The following BTBD8 variants were observed in gnomAD, a reference collection of about 807,000 sequenced individuals.
BTBD8 encodes the protein BTB domain containing 8, also known as BTB/POZ domain-containing protein 8.
In BTBD8, 110 loss-of-function variants were observed where a neutral mutation model predicts 162.9. The ratio of observed to expected loss-of-function variants is 0.68; its 90% CI spans 0.58 to 0.79. The LOEUF (loss-of-function observed/expected upper bound fraction) is 0.79, where lower values mean the gene tolerates loss of function less well. Ranked by LOEUF, BTBD8 falls within the 30% of genes least tolerant of loss-of-function variation. The pLI, the probability that BTBD8 is intolerant of heterozygous loss-of-function variation, is 0.00. For missense variants in BTBD8, 1,905 were observed against 2,085.4 expected (o/e 0.91, Z 1.68); for synonymous variants, 667 against 716.1 (o/e 0.93, Z 1.10).
intron 9 of BTBD8, among the ~76,000 whole-genome samples, chr1:92,152,941 A>C (rs1454074712): frequency 6.6e-6 from 1 of 152,300 alleles, no homozygotes; most frequent in East Asian, 1.9e-4. Context: ...ACACTAATTT[A>C]ACATATTTGT....
intron 2 of BTBD8, among the ~76,000 whole-genome samples, chr1:92,101,890 G>T (rs1648600161): frequency 6.6e-6 from 1 of 151,988 alleles, no homozygotes; most frequent in African/African-American, 2.4e-5. Context: ...TAAAGACGAG[G>T]TCTCACTATG....
intron 2 of BTBD8, among the ~76,000 whole-genome samples, chr1:92,099,900 A>G (rs1648543618): frequency 6.6e-6 from 1 of 152,150 alleles, no homozygotes; most frequent in African/African-American, 2.4e-5. Context: ...CCTTCTATAA[A>G]ATGTTGAATA....
At position 92,176,888 on chromosome 1, in the gene BTBD8, CAAG is replaced by C; in HGVS notation, c.1698_1700del (p.Lys567del). The C allele has an allele frequency of 1.3e-6, 2 of 1,499,102 alleles. No homozygotes were observed. Among genetic ancestry groups the C allele is most frequent in the East Asian group, 2.5e-5 (1 of 40,248 alleles). 92.9% of individuals were successfully genotyped at this position (1,499,102 alleles called of 1,614,324 possible). A position where few individuals can be genotyped will look rare whatever the true frequency, so the allele number is the denominator to read the frequency against. On this transcript the variant is annotated inframe_deletion, in exon 14 of 18. Coordinates refer to ENST00000636805, the MANE Select transcript of BTBD8 (RefSeq NM_001376131.1). ...AAATCAAATCTTGGAGGGGAAATAACAAGAAAGAGTGTTGGAGTTATCTCTCTA... is the reference window on the plus strand; with the variant it reads ...AAATCAAATCTTGGAGGGGAAATAACAAAGAGTGTTGGAGTTATCTCTCTA...
At chr1:92,163,221 G>A (rs1650307080) in intron 9 of BTBD8, among the ~76,000 whole-genome samples, 1 of 151,734 alleles carries the variant, frequency 6.6e-6, no homozygotes, top group Non-Finnish European at 1.5e-5. Flanking sequence ...CGGGTGTGGT[G>A]GCAGGCACCT....
Position 92,184,325 on chromosome 1 carries a change from C to A in BTBD8, c.5374C>A (p.His1792Asn). Residue 1792 changes from histidine (H) to asparagine (N), a missense_variant, in exon 18 of 18, where the codon CAT becomes AAT. Around this residue, in one of 3 missense-constraint regions of BTBD8, gnomAD observed 517 missense variants for 606.6 expected, o/e 0.85. Coordinates refer to ENST00000636805, the MANE Select transcript of BTBD8 (RefSeq NM_001376131.1). The stretch of plus-strand genomic sequence containing the variant: ...GACAATTCTGGAACTGGAAACTCAG[C>A]ATTAAGTGTTAACATTTTGGAAAAA... The part of the protein sequence containing the change: ...EWTILELETQ[H>N] 6.5e-7 allele frequency: 1 copy of A among 1,537,534 alleles called. No individual in the cohort carries two copies. Among genetic ancestry groups the A allele is most frequent in the Non-Finnish European group, 8.8e-7 (1 of 1,140,248 alleles).
At chr1:92,094,851 A>T (rs1648405107) in intron 2 of BTBD8, among the ~76,000 whole-genome samples, 1 of 152,190 alleles carries the variant, frequency 6.6e-6, no homozygotes, top group Non-Finnish European at 1.5e-5. Context: ...AGATACCAGG[A>T]TAAAGTCTCA....
At chr1:92,139,961 A>AAAAAAAAC (rs1649732692) in intron 6 of BTBD8, 1 of 145,242 alleles carries the variant, frequency 6.9e-6, no homozygotes, top group Non-Finnish European at 1.5e-5. Context: ...AAAAAAAAAA[A>AAAAAAAAC]AAGCTGGGCA....
At chr1:92,091,600 T>C (rs1345481418) in intron 2 of BTBD8, among the ~76,000 whole-genome samples, 5 of 151,958 alleles carry the variant, frequency 3.3e-5, no homozygotes, top group Non-Finnish European at 1.5e-5. Context: ...AGTGGCGCAA[T>C]CTCGGCTCAC....
At chr1:92,125,955 A>G (rs1649342750) in intron 4 of BTBD8, 4 of 456,538 alleles carry the variant, frequency 8.8e-6, no homozygotes, top group South Asian at 1.8e-5. Flanking sequence ...TGGAACACCT[A>G]GAGTAGCCAC....
intron 15 of BTBD8, among the ~76,000 whole-genome samples, chr1:92,178,108 C>A (rs1294798739): frequency 2.0e-5 from 3 of 151,924 alleles, no homozygotes; most frequent in Non-Finnish European, 4.4e-5. Context: ...TTAATGTGTA[C>A]TATGGCATAT....
At chr1:92,122,424 A>G (rs1187108279) in intron 4 of BTBD8, among the ~76,000 whole-genome samples, 1 of 151,734 alleles carries the variant, frequency 6.6e-6, no homozygotes, top group Non-Finnish European at 1.5e-5. Context: ...ACGCCCAGCT[A>G]ATTTTTATAT....
At chr1:92,176,808 T>A in intron 13 of BTBD8, 21 bp from the exon 14 acceptor site, 1 of 1,147,666 alleles carries the variant, frequency 8.7e-7, no homozygotes, top group South Asian at 2.2e-5. Context: ...AATTACAAAG[T>A]ATTTTTTTTC....
At chr1:92,117,880 G>A (rs1649087908) in intron 4 of BTBD8, among the ~76,000 whole-genome samples, 1 of 151,944 alleles carries the variant, frequency 6.6e-6, no homozygotes, top group African/African-American at 2.4e-5. Context: ...GTGGATCAGA[G>A]TCCTGTACTG....
intron 16 of BTBD8, among the ~76,000 whole-genome samples, chr1:92,178,983 C>T (rs1301175423): frequency 2.0e-5 from 3 of 152,148 alleles, no homozygotes; most frequent in Admixed American, 6.6e-5. Flanking sequence ...CGGTGGCTCA[C>T]GCCTGTAATC....
In BTBD8 at chr1:92,181,738, G is replaced by A. The variant is rs373917273; in HGVS notation, c.4055G>A (p.Arg1352Gln). ...IPRKRPEIWS[R>Q]SAIVHSRERE... ...AGGAAAAGGCCAGAAATTTGGTCTC[G>A]ATCTGCAATAGTTCACTCTAGGGAA... Residue 1352 changes from arginine to glutamine, a missense_variant, in exon 17 of 18, where the codon CGA becomes CAA. Physicochemically the swap from Arg to Gln is conservative, Grantham distance 43. Around this residue, in one of 3 missense-constraint regions of BTBD8, gnomAD observed 517 missense variants for 606.6 expected, o/e 0.85. Coordinates refer to ENST00000636805, the MANE Select transcript of BTBD8 (RefSeq NM_001376131.1). 28 of 1,551,330 alleles carry A rather than the reference G, an allele frequency of 1.8e-5. No homozygotes were observed. The highest frequency in any genetic ancestry group is 6.8e-5 in the African/African-American group (5 of 73,012).
At chr1:92,126,699 G>A (rs971661066) in intron 4 of BTBD8, among the ~76,000 whole-genome samples, 4 of 152,154 alleles carry the variant, frequency 2.6e-5, no homozygotes, top group African/African-American at 9.7e-5. Context: ...TTCATTTTGG[G>A]CAATGTTAGC....
intron 1 of BTBD8, among the ~76,000 whole-genome samples, chr1:92,086,905 C>T (rs1234142259): frequency 6.6e-6 from 1 of 152,142 alleles, no homozygotes; most frequent in Admixed American, 6.5e-5. Context: ...AATTACCTAT[C>T]CTGTGGTATT....
rs1377725448 is a variant in BTBD8 at position 92,180,495 on chromosome 1, A to C, written c.2812A>C (p.Lys938Gln). 3.9e-6 allele frequency: 6 copies of C among 1,550,640 alleles called. No homozygotes were observed. The highest frequency in any genetic ancestry group is 3.6e-5 in the South Asian group (3 of 83,806). Residue 938 changes from lysine to glutamine, a missense_variant, in exon 17 of 18, where the codon AAA (lysine) becomes CAA (glutamine). This residue lies in a region of BTBD8 where 1,374 missense variants were observed against 1,442.7 expected (regional missense o/e 0.95). Transcript: ENST00000636805. ...TGAAACTTTGAATAATAAAGATTCA[A>C]AACAGAAAATGCCTCCTGGACAGGT... is the stretch of plus-strand genomic sequence containing the variant. ...KGETLNNKDSKQKMPPGQVIS... is the reference protein window; with the variant it reads ...KGETLNNKDSQQKMPPGQVIS...
chr1:92,107,114 A>T lies in BTBD8; in HGVS notation c.545-770A>T, dbSNP rs868658061. Among the ~76,000 whole-genome samples the T allele has an allele frequency of 3.3e-5, 5 of 152,222 alleles. No individual in the cohort carries two copies. The Middle Eastern group carries it at 0.01, about 311-fold the overall frequency. On this transcript the variant is annotated intron_variant, in intron 3 of 17. Transcript: ENST00000636805. The stretch of plus-strand genomic sequence containing the variant: ...AATACAGTTTTTTTTAGATAATCCA[A>T]TATTGTTGTTAGCCTGATAACACAG...
Sources: gnomAD v4.1 joint callset for allele counts (sites outside exome capture counted in the v4.1 genomes callset) on GRCh38, gnomAD v4.1.1 for gene constraint, gnomAD v4.1.1 regional missense constraint, MANE v1.5 for transcripts, NCBI Gene and HGNC (gene_info 2026-07-23, HGNC 2026-07-21) for gene names.